The following CDS2 variants were observed in gnomAD, a reference collection of about 807,000 sequenced individuals.
The protein encoded by CDS2 is CDP-diacylglycerol synthase 2.
CDS2 carries 47 observed loss-of-function variants against 59.0 expected under a neutral mutation model. The observed-to-expected ratio is 0.80, with a 90% confidence interval of 0.63 to 1.02. CDS2 has a LOEUF of 1.02. CDS2 is among the 50% of genes least tolerant of loss of function. The pLI, the probability that CDS2 is intolerant of heterozygous loss-of-function variation, is 0.00. For synonymous variants in CDS2, 207 were observed against 206.4 expected, an observed-to-expected ratio of 1.00 and a Z score of -0.02; for missense variants, 356 against 558.9, an observed-to-expected ratio of 0.64 and a Z score of 3.66.
At chr20:5,141,710 G>A (rs550821884) in intron 1 of CDS2, among the ~76,000 whole-genome samples, 2 of 152,102 alleles carry the variant, frequency 1.3e-5, no homozygotes, top group African/African-American at 4.8e-5. Flanking sequence ...GAAAAGAGGG[G>A]GTGGTCATGT....
At chr20:5,151,750 CTTTTTTTTTT>C (rs57378947) in intron 1 of CDS2, among the ~76,000 whole-genome samples, 22 of 53,198 alleles carry the variant, frequency 4.1e-4, no homozygotes, top group Admixed American at 1.1e-3. Context: ...GACTCCATGT[CTTTTTTTTTT>C]TTTTTTTTTT....
chr20:5,146,844 C>T (rs2090747518), intron 1 of CDS2, among the ~76,000 whole-genome samples: 1 of 152,182 alleles, frequency 6.6e-6, no homozygotes, highest in Non-Finnish European at 1.5e-5. Flanking sequence ...CTAGCAGCTT[C>T]ACAGTGTGTA....
intron 6 of CDS2, among the ~76,000 whole-genome samples, chr20:5,182,709 T>G (rs1194642833): frequency 6.6e-6 from 1 of 152,230 alleles, no homozygotes; most frequent in Non-Finnish European, 1.5e-5. Context: ...AAGCTGAAGC[T>G]TCAGACACTG....
chr20:5,137,711 G>A (rs897720598), intron 1 of CDS2, among the ~76,000 whole-genome samples: 3 of 151,798 alleles, frequency 2.0e-5, no homozygotes, highest in East Asian at 2.0e-4. Context: ...CTACATGGGA[G>A]GCTGGGGCAG....
At chr20:5,140,481 A>G (rs1211600012) in intron 1 of CDS2, among the ~76,000 whole-genome samples, 2 of 152,246 alleles carry the variant, frequency 1.3e-5, no homozygotes. Context: ...GATTACAATC[A>G]TAAACTCAGG....
chr20:5,178,555 C>T (rs1042552411), intron 4 of CDS2, among the ~76,000 whole-genome samples: 5 of 152,064 alleles, frequency 3.3e-5, no homozygotes, highest in African/African-American at 1.2e-4. Flanking sequence ...GGGAATGCTA[C>T]AAAAGGGGCA....
intron 1 of CDS2, among the ~76,000 whole-genome samples, chr20:5,156,163 G>A (rs2090832278): frequency 6.6e-6 from 1 of 152,160 alleles, no homozygotes; most frequent in Non-Finnish European, 1.5e-5. Flanking sequence ...GGGTTGATCT[G>A]CAGGCTTCAG....
At chr20:5,172,573 C>T (rs2090963873) in intron 1 of CDS2, among the ~76,000 whole-genome samples, 1 of 152,130 alleles carries the variant, frequency 6.6e-6, no homozygotes, top group South Asian at 2.1e-4. Flanking sequence ...GACATTGGGC[C>T]ACGCATTGAA....
chr20:5,175,252 C>G lies in CDS2; in HGVS notation c.264C>G (p.Tyr88Ter). 1 of 1,613,992 alleles carries G rather than the reference C, an allele frequency of 6.2e-7. No individual in the cohort carries two copies. Among genetic ancestry groups the G allele is most frequent in the Non-Finnish European group, 8.5e-7 (1 of 1,179,864 alleles). The change falls in exon 3 of 13, where the codon TAC becomes TAG. Residue 88 changes from tyrosine to a stop codon, truncating the protein, a stop_gained. Coordinates refer to ENST00000460006, the MANE Select transcript of CDS2 (RefSeq NM_003818.4). LOFTEE classifies it high-confidence loss of function. ...AMIAFFFIIIYLGPMVLMIIV... is the reference protein window; with the variant it reads ...AMIAFFFIII Reference sequence around the variant, plus strand: ...TTGCATTTTTCTTCATCATCATTTACCTGGGACCAATGGTTTTGATGATAA... The same window carrying G: ...TTGCATTTTTCTTCATCATCATTTAGCTGGGACCAATGGTTTTGATGATAA...
At position 5,184,908 on chromosome 20, in the gene CDS2, T is replaced by TG; in HGVS notation, c.723dup (p.Phe242ValfsTer55). 1 of 1,614,098 alleles carries TG rather than the reference T, an allele frequency of 6.2e-7. No homozygotes were observed. The highest frequency in any genetic ancestry group is 8.5e-7 in the Non-Finnish European group (1 of 1,179,970). The stretch of plus-strand genomic sequence containing the variant: ...ATCTGTAATGACATCATGGCCTATA[T>TG]GTTTGGCTTTTTCTTTGGTCGGACC... On this transcript the variant is annotated frameshift_variant, in exon 8 of 13. Transcript: ENST00000460006. LOFTEE classifies it high-confidence loss of function. This position sits in a 1 kb window ranked among gnomAD's most constrained non-coding sequence, Gnocchi z 4.3.
chr20:5,145,247 C>CT, intron 1 of CDS2, among the ~76,000 whole-genome samples: 1 of 118,598 alleles, frequency 8.4e-6, no homozygotes, highest in South Asian at 3.9e-4. Context: ...CCCCCCCCCC[C>CT]GCCCCCGCCA....
chr20:5,176,884 A>G (rs2090999048), intron 4 of CDS2, 139 bp downstream of exon 4: 3 of 663,974 alleles, frequency 4.5e-6, no homozygotes, highest in Non-Finnish European at 8.1e-6. Flanking sequence ...TAGGTCATAC[A>G]AAGTTTCATG....
rs747399402 is a variant in CDS2, at chr20:5,175,271, A to G, written c.283A>G (p.Met95Val). The change falls in exon 3 of 13, where the codon ATG becomes GTG. Residue 95 changes from methionine to valine, a missense_variant. By Grantham distance (21) the Met-to-Val change is conservative (BLOSUM62 1). Around this residue, in one of 5 missense-constraint regions of CDS2, gnomAD observed 107 missense variants for 129.7 expected, o/e 0.82. Transcript: ENST00000460006. ...CATTTACCTGGGACCAATGGTTTTG[A>G]TGATAATCGTAAGTGCCATTTCACA... Reference protein sequence around the residue: ...IIIYLGPMVLMIIVMCVQIKC... With the variant: ...IIIYLGPMVLVIIVMCVQIKC... 6.2e-7 allele frequency: 1 copy of G among 1,613,340 alleles called. No homozygotes were observed. Among genetic ancestry groups the G allele is most frequent in the Admixed American group, 1.7e-5 (1 of 60,012 alleles).
chr20:5,190,543 T>G lies in CDS2; in HGVS notation c.*309T>G, dbSNP rs1486997709. 1 of 198,724 alleles carries G rather than the reference T, an allele frequency of 5.0e-6. No homozygotes were observed. Among genetic ancestry groups the G allele is most frequent in the African/African-American group, 2.3e-5 (1 of 42,988 alleles). 12.3% of individuals were successfully genotyped at this position (198,724 alleles called of 1,614,324 possible). On this transcript the variant is annotated 3_prime_UTR_variant, in exon 13 of 13. Transcript: ENST00000460006. ...CAGTGTTGCCCAGGTCAGGAGTGTT[T>G]TCTTGGTGGTTCCAGCCCCCATCAA...
At chr20:5,173,378 C>G in intron 1 of CDS2, 145 bp from the exon 2 acceptor site, 2 of 834,974 alleles carry the variant, frequency 2.4e-6, no homozygotes, top group Admixed American at 4.5e-5. Context: ...TGCTGCTAGT[C>G]CTGTCAGTCC....
chr20:5,143,713 T>TACAA, intron 1 of CDS2, among the ~76,000 whole-genome samples: 1 of 149,698 alleles, frequency 6.7e-6, no homozygotes, highest in East Asian at 2.0e-4. Flanking sequence ...AACATGAGTG[T>TACAA]ACAAATATCT....
In CDS2 at chr20:5,178,879, C is replaced by T; in HGVS notation, c.452C>T (p.Thr151Ile). 1.9e-6 allele frequency: 3 copies of T among 1,614,076 alleles called. No homozygotes were observed. The highest frequency in any genetic ancestry group is 2.5e-6 in the Non-Finnish European group (3 of 1,179,924). The change falls in exon 5 of 13, where the codon ACC becomes ATC. Residue 151 changes from threonine (T) to isoleucine (I), a missense_variant. Transcript: ENST00000460006. Reference sequence around the variant, plus strand: ...GAGACAGTGACGGATTACTTCTTCACCCTGGTCCAGAGAGAAGAGCCTTTG... The same window carrying T: ...GAGACAGTGACGGATTACTTCTTCATCCTGGTCCAGAGAGAAGAGCCTTTG... ...YGETVTDYFFTLVQREEPLRI... is the reference protein window; with the variant it reads ...YGETVTDYFFILVQREEPLRI...
chr20:5,127,022 GC>G lies in CDS2; in HGVS notation c.-68del, dbSNP rs2090557468. ...GGGCCGGCCGTGGGAGTCCGCGCGT[GC>G]CCGCGCCGAGCTGCCTGCTCCGGCG... On this transcript the variant is annotated 5_prime_UTR_variant, in exon 1 of 13. Coordinates refer to ENST00000460006, the MANE Select transcript of CDS2 (RefSeq NM_003818.4). 1 of 1,413,094 alleles carries G rather than the reference GC, an allele frequency of 7.1e-7. No individual in the cohort carries two copies. The highest frequency in any genetic ancestry group is 9.4e-7 in the Non-Finnish European group (1 of 1,067,424). The allele number at this position is 1,413,094 out of a possible 1,614,324, so 87.5% of individuals were successfully genotyped here. A position where few individuals can be genotyped will look rare whatever the true frequency, so the allele number is the denominator to read the frequency against.
At chr20:5,179,669 C>T (rs981104698) in intron 5 of CDS2, among the ~76,000 whole-genome samples, 2 of 152,160 alleles carry the variant, frequency 1.3e-5, no homozygotes, top group Admixed American at 6.6e-5. Context: ...TGGATTTGGG[C>T]GTAGACTCTG....
Sources: allele counts gnomAD v4.1 joint callset (sites outside exome capture counted in the v4.1 genomes callset), GRCh38; gene constraint gnomAD v4.1.1; regional missense constraint gnomAD v4.1.1; non-coding constraint Gnocchi (gnomAD v3.1); transcripts MANE v1.5; gene names NCBI Gene and HGNC (gene_info 2026-07-23, HGNC 2026-07-21).